PTPRT: variants seen among roughly 807,000 people sequenced by gnomAD.
The protein encoded by PTPRT is protein tyrosine phosphatase receptor type T.
A neutral mutation model predicts 176.8 loss-of-function variants in PTPRT; 56 were observed. That is an observed-to-expected ratio of 0.32 (90% CI 0.26 to 0.40). The LOEUF (loss-of-function observed/expected upper bound fraction) is 0.40, where lower values mean the gene tolerates loss of function less well. Ranked by LOEUF, PTPRT falls within the 10% of genes least tolerant of loss-of-function variation. The pLI is 1.00. For missense variants in PTPRT, 1,540 were observed against 1,908.2 expected (o/e 0.81, Z 3.60); for synonymous variants, 783 against 739.0 (o/e 1.06, Z -0.96).
intron 1 of PTPRT, among the ~76,000 whole-genome samples, chr20:43,085,700 C>G (rs1409637506): frequency 6.6e-6 from 1 of 152,130 alleles, no homozygotes; most frequent in African/African-American, 2.4e-5. Flanking sequence ...ATCACAAGAA[C>G]AGCACGCGAA....
chr20:42,333,611 C>T (rs1221774107), intron 11 of PTPRT, among the ~76,000 whole-genome samples: 5 of 152,090 alleles, frequency 3.3e-5, no homozygotes, highest in East Asian at 1.9e-4. Context: ...GGATTAGAGG[C>T]GTGAACCACT....
chr20:42,851,104 T>C lies in PTPRT; in HGVS notation c.214+34703A>G, dbSNP rs551715869. Among the ~76,000 whole-genome samples, 5 of 152,324 alleles carry C rather than the reference T, an allele frequency of 3.3e-5. 1 individual carries two copies. The highest frequency in any genetic ancestry group is 1.2e-4 in the African/African-American group (5 of 41,588). On this transcript the variant is annotated intron_variant, in intron 2 of 30. Coordinates refer to ENST00000373187, the MANE Select transcript of PTPRT (RefSeq NM_007050.6). ...TCTCCACTGTTTCAAACATCCAAGA[T>C]ACTAGTCTTCTAATGTTCTTATCCT...
At chr20:42,517,779 C>T (rs2072096953) in intron 7 of PTPRT, among the ~76,000 whole-genome samples, 2 of 151,966 alleles carry the variant, frequency 1.3e-5, no homozygotes, top group Admixed American at 6.6e-5. Flanking sequence ...AGTCCACACA[C>T]AGATTTTAAA....
chr20:42,605,529 G>A (rs999883897), intron 7 of PTPRT, among the ~76,000 whole-genome samples: 2 of 152,166 alleles, frequency 1.3e-5, no homozygotes, highest in East Asian at 1.9e-4. Flanking sequence ...CTCAGCCATC[G>A]ATTCTCGACC....
At chr20:42,599,695 G>A (rs2145785325) in intron 7 of PTPRT, among the ~76,000 whole-genome samples, 1 of 152,180 alleles carries the variant, frequency 6.6e-6, no homozygotes, top group East Asian at 1.9e-4. Flanking sequence ...CACAGAACTG[G>A]CCGCACATTT....
chr20:42,550,364 G>A (rs920431174), intron 7 of PTPRT, among the ~76,000 whole-genome samples: 1 of 152,156 alleles, frequency 6.6e-6, no homozygotes, highest in Non-Finnish European at 1.5e-5. Context: ...GAGAGGGAGA[G>A]AGGGAGGAAA....
At chr20:42,323,260 G>A (rs1156754093) in intron 11 of PTPRT, among the ~76,000 whole-genome samples, 3 of 152,132 alleles carry the variant, frequency 2.0e-5, no homozygotes, top group Non-Finnish European at 2.9e-5. Flanking sequence ...CCATTACTGG[G>A]TATATACCCA....
intron 7 of PTPRT, among the ~76,000 whole-genome samples, chr20:42,616,735 T>C (rs2074086985): frequency 8.2e-6 from 1 of 122,596 alleles, no homozygotes; most frequent in Non-Finnish European, 1.6e-5. Flanking sequence ...TTTGGCTCTC[T>C]GTTTGTCTGT....
chr20:42,738,041 C>T (rs1010912725), intron 6 of PTPRT, among the ~76,000 whole-genome samples: 2 of 152,214 alleles, frequency 1.3e-5, no homozygotes, highest in African/African-American at 2.4e-5. Flanking sequence ...TCACTGTGCT[C>T]ACTTTGTAGA....
At chr20:42,531,525 G>A (rs2072384489) in intron 7 of PTPRT, among the ~76,000 whole-genome samples, 1 of 152,210 alleles carries the variant, frequency 6.6e-6, no homozygotes, top group African/African-American at 2.4e-5. Flanking sequence ...CACTCATTTA[G>A]CAAATTCATA....
At chr20:42,156,172 C>T (rs192987806) in intron 17 of PTPRT, among the ~76,000 whole-genome samples, 28 of 152,284 alleles carry the variant, frequency 1.8e-4, no homozygotes, top group African/African-American at 6.7e-4. Context: ...TCATGTCTTC[C>T]AGAAAGCCAC....
chr20:42,107,045 A>T, intron 23 of PTPRT, 124 bp from the exon 24 acceptor site: 1 of 1,253,674 alleles, frequency 8.0e-7, no homozygotes, highest in South Asian at 1.6e-5. Flanking sequence ...GTGTTCCCAC[A>T]TTTCCTTTCT....
intron 6 of PTPRT, among the ~76,000 whole-genome samples, chr20:42,724,340 A>G (rs1197758508): frequency 6.6e-6 from 1 of 152,168 alleles, no homozygotes; most frequent in African/African-American, 2.4e-5. Context: ...TGGAGGCCCA[A>G]ATCTATTCAC....
At chr20:42,970,545 T>C (rs1199331695) in intron 1 of PTPRT, among the ~76,000 whole-genome samples, 1 of 152,182 alleles carries the variant, frequency 6.6e-6, no homozygotes, top group Non-Finnish European at 1.5e-5. Flanking sequence ...AGTTCCCTTA[T>C]ATAGAACATG....
In PTPRT at chr20:42,080,680, T is replaced by A; in HGVS notation, c.*199A>T. On this transcript the variant is annotated 3_prime_UTR_variant, in exon 31 of 31. Coordinates refer to ENST00000373187, the MANE Select transcript of PTPRT (RefSeq NM_007050.6). Reference sequence around the variant, plus strand: ...GGTTGAAAAGGAAGCCTGGGCCTTTTGGAGCAGCATCTCCCACGGCAACAG... The same window carrying A: ...GGTTGAAAAGGAAGCCTGGGCCTTTAGGAGCAGCATCTCCCACGGCAACAG... The A allele has an allele frequency of 2.2e-6, 1 of 453,202 alleles. No individual in the cohort carries two copies. The highest frequency in any genetic ancestry group is 4.0e-6 in the Non-Finnish European group (1 of 252,348). The allele number at this position is 453,202 out of a possible 1,614,324, so 28.1% of individuals were successfully genotyped here. A position where few individuals can be genotyped will look rare whatever the true frequency, so the allele number is the denominator to read the frequency against.
At chr20:42,802,771 T>G (rs139003243) in intron 2 of PTPRT, among the ~76,000 whole-genome samples, 1 of 152,168 alleles carries the variant, frequency 6.6e-6, no homozygotes, top group African/African-American at 2.4e-5. Flanking sequence ...CAATGAAAGA[T>G]AAGGGCATGG....
intron 9 of PTPRT, among the ~76,000 whole-genome samples, chr20:42,438,784 G>T (rs1279047565): frequency 6.6e-6 from 1 of 152,158 alleles, no homozygotes; most frequent in Non-Finnish European, 1.5e-5. Flanking sequence ...AACATGGTTT[G>T]CTATCCTTAG....
chr20:42,314,195 T>G (rs1391012829), intron 12 of PTPRT, among the ~76,000 whole-genome samples: 1 of 152,134 alleles, frequency 6.6e-6, no homozygotes, highest in Non-Finnish European at 1.5e-5. Context: ...TAATATGAAC[T>G]GTAGGGCTTA....
intron 16 of PTPRT, among the ~76,000 whole-genome samples, chr20:42,193,944 C>T (rs189711055): frequency 6.6e-5 from 10 of 152,222 alleles, no homozygotes; most frequent in Admixed American, 2.0e-4. Context: ...TAGACTCTAA[C>T]TGAAATCAGG....
Sources: allele counts gnomAD v4.1 joint callset (sites outside exome capture counted in the v4.1 genomes callset), GRCh38; gene constraint gnomAD v4.1.1; transcripts MANE v1.5; gene names NCBI Gene and HGNC (gene_info 2026-07-23, HGNC 2026-07-21).